The following ZNF362 variants were observed in gnomAD, a reference collection of about 807,000 sequenced individuals.
ZNF362 encodes the protein zinc finger protein 362, also known as rotund homolog.
ZNF362 carries 11 observed loss-of-function variants against 42.9 expected under a neutral mutation model. The ratio of observed to expected loss-of-function variants is 0.26; its 90% CI spans 0.16 to 0.42. The LOEUF (loss-of-function observed/expected upper bound fraction) is 0.42, where lower values mean the gene tolerates loss of function less well. Ranked by LOEUF, ZNF362 falls within the 20% of genes least tolerant of loss-of-function variation. The pLI is 1.00. For synonymous variants in ZNF362, 255 were observed against 257.3 expected, an observed-to-expected ratio of 0.99 and a Z score of 0.09; for missense variants, 362 against 576.2, an observed-to-expected ratio of 0.63 and a Z score of 3.81.
chr1:33,133,716 T>A, the ZNF362 span, among the ~76,000 whole-genome samples: 1 of 152,304 alleles, frequency 6.6e-6, no homozygotes, highest in African/African-American at 2.4e-5. Flanking sequence ...CAGGGCAGGC[T>A]GTGCTTCTGG....
the ZNF362 span, among the ~76,000 whole-genome samples, chr1:33,233,734 G>A: frequency 6.6e-6 from 1 of 152,238 alleles, no homozygotes; most frequent in East Asian, 1.9e-4. Context: ...GTTACCTGGA[G>A]TCATGTCTGT....
intron 6 of ZNF362, among the ~76,000 whole-genome samples, chr1:33,293,927 C>T (rs543403554): frequency 2.6e-4 from 40 of 152,338 alleles, no homozygotes; most frequent in African/African-American, 9.6e-4. Flanking sequence ...GCCCTTATCT[C>T]CGTTTAAAAC....
chr1:33,230,220 C>T, the ZNF362 span, among the ~76,000 whole-genome samples: 1 of 152,140 alleles, frequency 6.6e-6, no homozygotes, highest in Non-Finnish European at 1.5e-5. Context: ...TTAATACCCA[C>T]CTCATTGGTG....
the ZNF362 span, among the ~76,000 whole-genome samples, chr1:33,156,285 C>T: frequency 1.3e-5 from 2 of 152,210 alleles, no homozygotes; most frequent in Non-Finnish European, 2.9e-5. Context: ...TTGAAAACTC[C>T]TTTAAAGCAT....
the ZNF362 span, among the ~76,000 whole-genome samples, chr1:33,134,434 C>G: frequency 6.6e-6 from 1 of 152,140 alleles, no homozygotes; most frequent in African/African-American, 2.4e-5. Context: ...TCCAATAATA[C>G]TGCCTCTGTT....
At chr1:33,160,572 T>G in the ZNF362 span, among the ~76,000 whole-genome samples, 2 of 152,056 alleles carry the variant, frequency 1.3e-5, no homozygotes, top group Admixed American at 1.3e-4. Flanking sequence ...GCCCGGATAA[T>G]TTTTGTATTT....
chr1:33,286,343 T>C (rs536430465), intron 6 of ZNF362, among the ~76,000 whole-genome samples: 9 of 152,178 alleles, frequency 5.9e-5, no homozygotes, highest in Admixed American at 1.3e-4. Flanking sequence ...TGTTTTTTTT[T>C]TCCAAGAAGT....
rs769008041 is a variant in ZNF362, at chr1:33,276,606, G to A, written c.349+12G>A. 1.3e-5 allele frequency: 17 copies of A among 1,326,172 alleles called. No individual in the cohort carries two copies. The highest frequency in any genetic ancestry group is 6.6e-5 in the East Asian group (2 of 30,400). 82.2% of individuals were successfully genotyped at this position (1,326,172 alleles called of 1,614,324 possible). On this transcript the variant is annotated intron_variant, in intron 4 of 8. Transcript: ENST00000539719. ...CAGCACCGTCACAGGTAGGCCGAGCGGGCGGGGCCGGCGGGGCCGGTGAGG... is the reference window on the plus strand; with the variant it reads ...CAGCACCGTCACAGGTAGGCCGAGCAGGCGGGGCCGGCGGGGCCGGTGAGG...
At chr1:33,160,080 C>T in the ZNF362 span, 1 of 1,085,890 alleles carries the variant, frequency 9.2e-7, no homozygotes. Context: ...GGAAATGTCA[C>T]ATGCAAAAGC....
the ZNF362 span, chr1:33,158,477 T>TGA: frequency 1.2e-6 from 1 of 802,232 alleles, no homozygotes; most frequent in Non-Finnish European, 2.1e-6. Flanking sequence ...TGGTCATGAG[T>TGA]GAGAAGTCTG....
At chr1:33,189,833 C>T in the ZNF362 span, among the ~76,000 whole-genome samples, 1 of 151,062 alleles carries the variant, frequency 6.6e-6, no homozygotes, top group Admixed American at 6.6e-5. Context: ...CTACTGCCTG[C>T]TGAGTTTACT....
the ZNF362 span, among the ~76,000 whole-genome samples, chr1:33,136,585 G>C: frequency 6.6e-6 from 1 of 151,404 alleles, no homozygotes; most frequent in Non-Finnish European, 1.5e-5. Context: ...GGGCAGGCTG[G>C]TCTTGAACTC....
At position 33,281,531 on chromosome 1, in the gene ZNF362, C is replaced by T; in HGVS notation, c.684-56C>T. 6.3e-7 allele frequency: 1 copy of T among 1,574,948 alleles called. No homozygotes were observed. The highest frequency in any genetic ancestry group is 8.7e-7 in the Non-Finnish European group (1 of 1,146,434). On this transcript the variant is annotated intron_variant, in intron 5 of 8. Transcript: ENST00000539719. This position sits in a 1 kb window ranked among gnomAD's most constrained non-coding sequence, Gnocchi z 4.8. ...GGTCTCTCTGATGTAGAAGGCCTCCCCTGAGATGGACAGTCTGGGGGATCT... is the reference window on the plus strand; with the variant it reads ...GGTCTCTCTGATGTAGAAGGCCTCCTCTGAGATGGACAGTCTGGGGGATCT...
the ZNF362 span, among the ~76,000 whole-genome samples, chr1:33,239,726 C>T: frequency 6.6e-6 from 1 of 152,178 alleles, no homozygotes; most frequent in African/African-American, 2.4e-5. Context: ...ATCCAATTAC[C>T]TCCACCTTGT....
the ZNF362 span, among the ~76,000 whole-genome samples, chr1:33,158,916 C>G: frequency 1.3e-5 from 2 of 152,046 alleles, no homozygotes; most frequent in Admixed American, 1.3e-4. Context: ...TCTCAGCTCA[C>G]TGCAACCTCT....
At chr1:33,278,765 CTCATT>C (rs1330419090) in intron 4 of ZNF362, among the ~76,000 whole-genome samples, 4 of 152,292 alleles carry the variant, frequency 2.6e-5, no homozygotes, top group Middle Eastern at 3.4e-3. Context: ...CACCTGACAG[CTCATT>C]TCGACCTTCT....
chr1:33,198,071 C>T, the ZNF362 span, among the ~76,000 whole-genome samples: 3 of 152,070 alleles, frequency 2.0e-5, no homozygotes, highest in Non-Finnish European at 4.4e-5. Flanking sequence ...AGTAACTTAA[C>T]TACATTAAGA....
the ZNF362 span, among the ~76,000 whole-genome samples, chr1:33,224,005 C>A: frequency 6.6e-6 from 1 of 151,900 alleles, no homozygotes; most frequent in Non-Finnish European, 1.5e-5. Flanking sequence ...AAAAGTGTAT[C>A]TTCTCTTGAG....
Position 33,295,335 on chromosome 1 carries a change from C to T in ZNF362, c.1146+30C>T, listed in dbSNP as rs368956786. The T allele has an allele frequency of 1.6e-4, 260 of 1,605,560 alleles. 1 individual carries two copies. The highest frequency in any genetic ancestry group is 2.1e-4 in the South Asian group (19 of 90,288). On this transcript the variant is annotated intron_variant, in intron 8 of 8. Transcript: ENST00000539719. The stretch of plus-strand genomic sequence containing the variant: ...GTGCCGGTCGGCCTGTGCCCTGCCC[C>T]GGGGGAGCCACTTCGTCTTCCAGGC...
Sources: allele counts gnomAD v4.1 joint callset (sites outside exome capture counted in the v4.1 genomes callset), GRCh38; gene constraint gnomAD v4.1.1; non-coding constraint Gnocchi (gnomAD v3.1); transcripts MANE v1.5; gene names NCBI Gene and HGNC (gene_info 2026-07-23, HGNC 2026-07-21).